Variants in HDAC9 observed in about 807,000 individuals in gnomAD.
HDAC9 encodes histone deacetylase 9.
Under a neutral mutation model 139.4 loss-of-function variants are expected in HDAC9, and 41 were observed. The ratio of observed to expected loss-of-function variants is 0.29; its 90% CI spans 0.23 to 0.38. The LOEUF is 0.38. HDAC9 is among the 10% of genes least tolerant of loss of function. The pLI, the probability that HDAC9 is intolerant of heterozygous loss-of-function variation, is 1.00. For synonymous variants in HDAC9, 517 were observed against 476.2 expected, an observed-to-expected ratio of 1.09 and a Z score of -1.12; for missense variants, 1,147 against 1,297.0, an observed-to-expected ratio of 0.88 and a Z score of 1.78.
At chr7:18,590,037 T>G (rs1830500883) in intron 3 of HDAC9, among the ~76,000 whole-genome samples, 1 of 152,158 alleles carries the variant, frequency 6.6e-6, no homozygotes, top group Non-Finnish European at 1.5e-5. Context: ...CAAAGAAAAG[T>G]CATTAAGGGA....
rs73312702 is a variant in HDAC9, at chr7:18,844,999, G to A, written c.2684+9002G>A. Among the ~76,000 whole-genome samples, 1,076 of 152,138 alleles carry A rather than the reference G, an allele frequency of 7.1e-3. 14 individuals are homozygous for A. The highest frequency in any genetic ancestry group is 0.024 in the African/African-American group (1,000 of 41,506). On this transcript the variant is annotated intron_variant, in intron 21 of 25. Coordinates refer to ENST00000686413, the MANE Select transcript of HDAC9 (RefSeq NM_178425.4). ...ATGACACCGTCGTAGTAGGTGAAAC[G>A]GACAGGAACAGAGATAATAAAATCT...
chr7:18,294,102 C>A (rs1175628093), intron 1 of HDAC9, among the ~76,000 whole-genome samples: 3 of 152,044 alleles, frequency 2.0e-5, no homozygotes, highest in Non-Finnish European at 4.4e-5. Flanking sequence ...ATCCAGAAAT[C>A]AATAATCACA....
intron 21 of HDAC9, among the ~76,000 whole-genome samples, chr7:18,856,251 C>T (rs567692457): frequency 1.3e-5 from 2 of 152,136 alleles, no homozygotes; most frequent in Non-Finnish European, 2.9e-5. Context: ...AGATCAAGTC[C>T]CTAAAATAAG....
chr7:18,539,406 C>G (rs1811992034), intron 2 of HDAC9, among the ~76,000 whole-genome samples: 1 of 152,280 alleles, frequency 6.6e-6, no homozygotes, highest in African/African-American at 2.4e-5. Context: ...TGTCACAGAT[C>G]AGAGGAGACA....
At chr7:18,973,905 G>C (rs1312337720) in intron 24 of HDAC9, among the ~76,000 whole-genome samples, 1 of 151,976 alleles carries the variant, frequency 6.6e-6, no homozygotes, top group African/African-American at 2.4e-5. Flanking sequence ...CTCTCCAAAG[G>C]GATCTTTTAA....
Position 18,506,680 on chromosome 7 carries a change from C to A in HDAC9, c.22+10356C>A, listed in dbSNP as rs561096858. ...GTTAACTATAAGTATGGGAAAAAGGCAAGTATACATCATGAATGACTTTTA... is the reference window on the plus strand; with the variant it reads ...GTTAACTATAAGTATGGGAAAAAGGAAAGTATACATCATGAATGACTTTTA... On this transcript the variant is annotated intron_variant, in intron 2 of 25. Transcript: ENST00000686413. 2.6e-5 allele frequency among the ~76,000 whole-genome samples: 4 copies of A among 151,856 alleles called. No individual in the cohort carries two copies. The East Asian group carries it at 7.7e-4, about 29-fold the overall frequency.
chr7:18,233,603 G>A (rs1171437768), intron 2 of HDAC9, among the ~76,000 whole-genome samples: 6 of 152,128 alleles, frequency 3.9e-5, no homozygotes, highest in Non-Finnish European at 8.8e-5. Context: ...AAAACAAGTT[G>A]TTTTTGTTCA....
chr7:18,951,585 T>A (rs868152426), intron 23 of HDAC9, among the ~76,000 whole-genome samples: 12 of 151,768 alleles, frequency 7.9e-5, no homozygotes, highest in Admixed American at 7.9e-4. Context: ...GCAAAAGTTG[T>A]CTTGTTTGTA....
chr7:18,499,024 T>A (rs1447420987), intron 2 of HDAC9, among the ~76,000 whole-genome samples: 4 of 151,990 alleles, frequency 2.6e-5, no homozygotes, highest in Non-Finnish European at 5.9e-5. Flanking sequence ...CTTGGTTTGA[T>A]AAGAGTTGAG....
At chr7:18,846,230 G>A (rs1457113563) in intron 21 of HDAC9, among the ~76,000 whole-genome samples, 2 of 151,952 alleles carry the variant, frequency 1.3e-5, no homozygotes, top group Non-Finnish European at 2.9e-5. Flanking sequence ...ATCACTCACC[G>A]ACTCCTCAGA....
intron 12 of HDAC9, among the ~76,000 whole-genome samples, chr7:18,676,574 TA>T (rs916803301): frequency 2.0e-5 from 3 of 152,058 alleles, no homozygotes; most frequent in Non-Finnish European, 4.4e-5. Context: ...AATCCTTTTT[TA>T]AAAAACTTAA....
At chr7:18,986,885 T>TAAG (rs1785403949) in intron 25 of HDAC9, among the ~76,000 whole-genome samples, 1 of 152,310 alleles carries the variant, frequency 6.6e-6, no homozygotes, top group East Asian at 1.9e-4. Context: ...TGTTGGTGTA[T>TAAG]AAGAATGCTT....
intron 2 of HDAC9, among the ~76,000 whole-genome samples, chr7:18,511,103 G>T (rs575908115): frequency 6.6e-6 from 1 of 152,196 alleles, no homozygotes; most frequent in Non-Finnish European, 1.5e-5. Flanking sequence ...ATTTGCAAAG[G>T]CTGCCAATTA....
chr7:18,169,762 T>C (rs920494954), intron 2 of HDAC9, among the ~76,000 whole-genome samples: 3 of 152,162 alleles, frequency 2.0e-5, no homozygotes, highest in Admixed American at 6.5e-5. Flanking sequence ...TTTCCAGCTG[T>C]ATCCATATCC....
intron 2 of HDAC9, among the ~76,000 whole-genome samples, chr7:18,255,686 T>C (rs568610730): frequency 7.2e-4 from 99 of 137,456 alleles, no homozygotes; most frequent in African/African-American, 2.6e-3. Flanking sequence ...GGGCGCGCGG[T>C]GACGTGATTT....
intron 21 of HDAC9, among the ~76,000 whole-genome samples, chr7:18,858,989 A>G (rs1797891966): frequency 6.6e-6 from 1 of 152,180 alleles, no homozygotes; most frequent in Non-Finnish European, 1.5e-5. Context: ...AAATGCAGTT[A>G]AAAGGCAGTG....
Position 18,597,996 on chromosome 7 carries a change from A to G in HDAC9, c.664+3967A>G, listed in dbSNP as rs565090756. On this transcript the variant is annotated intron_variant, in intron 6 of 25. Coordinates refer to ENST00000686413, the MANE Select transcript of HDAC9 (RefSeq NM_178425.4). ...ACACTGAGTAAACTGGAACGAAGGC[A>G]GAGATTAGATATGTAGCTTTATAAA... 5.9e-5 allele frequency among the ~76,000 whole-genome samples: 9 copies of G among 152,330 alleles called. No individual in the cohort carries two copies. The South Asian group carries it at 1.9e-3, about 32-fold the overall frequency.
intron 2 of HDAC9, among the ~76,000 whole-genome samples, chr7:18,566,826 G>A (rs78953337): frequency 1.3e-5 from 2 of 152,288 alleles, no homozygotes; most frequent in East Asian, 3.9e-4. Flanking sequence ...AGATGACAAA[G>A]GTTTGTTACC....
chr7:18,264,991 A>G (rs1377832231), intron 2 of HDAC9, among the ~76,000 whole-genome samples: 1 of 152,146 alleles, frequency 6.6e-6, no homozygotes, highest in East Asian at 1.9e-4. Context: ...TAGTTACTCT[A>G]GGAATAGCCA....
Sources: gnomAD v4.1 joint callset for allele counts (sites outside exome capture counted in the v4.1 genomes callset) on GRCh38, gnomAD v4.1.1 for gene constraint, MANE v1.5 for transcripts, NCBI Gene and HGNC (gene_info 2026-07-23, HGNC 2026-07-21) for gene names.